NEB: variants seen among roughly 807,000 people sequenced by gnomAD.
NEB encodes the protein nemaline myopathy type 2.
NEB carries 512 observed loss-of-function variants against 952.2 expected under a neutral mutation model. The ratio of observed to expected loss-of-function variants is 0.54; its 90% CI spans 0.50 to 0.58. The LOEUF (loss-of-function observed/expected upper bound fraction) is 0.58, where lower values mean the gene tolerates loss of function less well. Among genes scored for constraint, NEB ranks in the 20% least tolerant of loss-of-function variants. The pLI is 0.00. For missense variants in NEB, 8,428 were observed against 9,231.1 expected (o/e 0.91, Z 3.56); for synonymous variants, 2,900 against 3,149.8 (o/e 0.92, Z 2.66).
intron 107 of NEB, among the ~76,000 whole-genome samples, chr2:151,573,020 TGAAGA>T (rs2096699161): frequency 1.3e-5 from 2 of 152,220 alleles, no homozygotes; most frequent in African/African-American, 4.8e-5. Context: ...GTAGTGAGCA[TGAAGA>T]TTACATGAGT....
intron 20 of NEB, among the ~76,000 whole-genome samples, chr2:151,693,460 C>CA (rs2099573946): frequency 6.6e-6 from 1 of 151,712 alleles, no homozygotes; most frequent in South Asian, 2.1e-4. Flanking sequence ...TTGCACCCCC[C>CA]ATGTATCCAT....
intron 30 of NEB, among the ~76,000 whole-genome samples, chr2:151,680,235 G>A (rs1449305393): frequency 6.6e-6 from 1 of 152,164 alleles, no homozygotes; most frequent in Non-Finnish European, 1.5e-5. Flanking sequence ...ATTCAGTTTT[G>A]CAAAGATCCC....
intron 71 of NEB, among the ~76,000 whole-genome samples, chr2:151,623,636 C>G (rs892975771): frequency 6.6e-6 from 1 of 151,982 alleles, no homozygotes; most frequent in Non-Finnish European, 1.5e-5. Flanking sequence ...AGTTTATAGT[C>G]TTTTCAAGAT....
chr2:151,655,954 C>T lies in NEB; in HGVS notation c.6565G>A (p.Val2189Met), dbSNP rs1188389782. 1.8e-5 allele frequency: 29 copies of T among 1,613,662 alleles called. No individual in the cohort carries two copies. Among genetic ancestry groups the T allele is most frequent in the Non-Finnish European group, 2.5e-5 (29 of 1,179,788 alleles). ...TCAGTTGCTTTCTTGGCCTTCTCCA[C>T]TTCCAGAGAACCTGCTGGACTCCAG... is the stretch of plus-strand genomic sequence containing the variant. ...LGWSPAGSLE[V>M]EKAKKATEYA... The change falls in exon 50 of 182, where the codon GTG becomes ATG. Residue 2189 changes from valine to methionine, a missense_variant. Physicochemically the swap from Val to Met is conservative, Grantham distance 21. Transcript: ENST00000397345.
chr2:151,486,039 G>A, intron 181 of NEB, 106 bp from the exon 182 acceptor site: 2 of 1,141,508 alleles, frequency 1.8e-6, no homozygotes, highest in Non-Finnish European at 2.5e-6. Flanking sequence ...AACTTAAGTT[G>A]AACAAAAGAG....
chr2:151,642,529 T>C, intron 60 of NEB, 45 bp downstream of exon 60: 2 of 1,505,890 alleles, frequency 1.3e-6, no homozygotes, highest in Non-Finnish European at 1.8e-6. Context: ...GAGAAATAAA[T>C]CTTTGAGCCA....
rs777800372 is a variant in NEB, at chr2:151,518,386, G to C, written c.22732C>G (p.His7578Asp). ...AGATTATCGGGTATGGTGTGGTAGT[G>C]GCCTTTACTCTTCTCATACTTCTTC... is the stretch of plus-strand genomic sequence containing the variant. ...YKKKYEKSKG[H>D]YHTIPDNLEQ... is the part of the protein sequence containing the mutation. The change falls in exon 156 of 182, where the codon CAC (histidine) becomes GAC (aspartate). Residue 7578 changes from histidine (H) to aspartate (D), a missense_variant. Coordinates refer to ENST00000397345, the MANE Select transcript of NEB (RefSeq NM_001164508.2). 3.7e-6 allele frequency: 6 copies of C among 1,611,906 alleles called. No homozygotes were observed. In the Admixed American group the frequency reaches 1.0e-4, roughly 27 times the overall value.
chr2:151,503,578 A>G (rs953925322), intron 165 of NEB, 137 bp from the exon 166 acceptor site: 28 of 564,688 alleles, frequency 5.0e-5, no homozygotes, highest in Non-Finnish European at 6.2e-5. Flanking sequence ...AACAGGGGGG[A>G]AAATTCCATG....
chr2:151,546,329 G>A lies in NEB; in HGVS notation c.20466+16C>T, dbSNP rs766831191. ...TGTGCGGGGGGTAATTATGCATTGT[G>A]ATGATGTGCACTCACCCAGAGCTTC... On this transcript the variant is annotated intron_variant, in intron 134 of 181. Transcript: ENST00000397345. 1.9e-6 allele frequency: 3 copies of A among 1,597,704 alleles called. No homozygotes were observed. The highest frequency in any genetic ancestry group is 2.2e-5 in the East Asian group (1 of 44,730).
At chr2:151,661,996 C>A (rs80168331) in intron 46 of NEB, 139 bp downstream of exon 46, 4 of 629,428 alleles carry the variant, frequency 6.4e-6, no homozygotes, top group African/African-American at 1.9e-5. Context: ...TTTTTTTTAA[C>A]GACAAGACTC....
At chr2:151,576,513 T>TA (rs2096858263) in intron 105 of NEB, among the ~76,000 whole-genome samples, 159 bp from the exon 106 acceptor site, 2 of 32,086 alleles carry the variant, frequency 6.2e-5, no homozygotes, top group South Asian at 1.1e-3. Flanking sequence ...TATATATATA[T>TA]ATATTTTTTT....
intron 10 of NEB, among the ~76,000 whole-genome samples, chr2:151,714,810 T>G (rs150718757): frequency 6.6e-6 from 1 of 152,156 alleles, no homozygotes; most frequent in African/African-American, 2.4e-5. Flanking sequence ...GAAGATATGA[T>G]CCTGCTGCAA....
At chr2:151,557,915 C>T (rs1281720714) in intron 124 of NEB, among the ~76,000 whole-genome samples, 1 of 152,172 alleles carries the variant, frequency 6.6e-6, no homozygotes, top group Non-Finnish European at 1.5e-5. Context: ...CAATATCATA[C>T]TGAATGGGCA....
At chr2:151,728,740 A>T (rs2099797899) in intron 4 of NEB, among the ~76,000 whole-genome samples, 1 of 152,202 alleles carries the variant, frequency 6.6e-6, no homozygotes. Context: ...ATTTCACAGT[A>T]TCCTTCCCTT....
chr2:151,723,467 C>A lies in NEB; in HGVS notation c.632G>T (p.Trp211Leu). The stretch of plus-strand genomic sequence containing the variant: ...GTAAAACAAACTTTTGTCTGCTTCC[C>A]AGTCTTCAGTGTACAGTTTCTAAAT... ...MFSKKLYTED[W>L]EADKSLFYPY... is the part of the protein sequence containing the mutation. Residue 211 changes from tryptophan (W) to leucine (L), a missense_variant, in exon 9 of 182, where the codon TGG becomes TTG. Transcript: ENST00000397345. The A allele has an allele frequency of 6.2e-7, 1 of 1,607,060 alleles. No homozygotes were observed. The highest frequency in any genetic ancestry group is 8.5e-7 in the Non-Finnish European group (1 of 1,176,492).
rs2066234395 is a variant in NEB at position 151,503,363 on chromosome 2, C to G, written c.23821G>C (p.Glu7941Gln). The G allele has an allele frequency of 1.2e-6, 2 of 1,610,876 alleles. No individual in the cohort carries two copies. The highest frequency in any genetic ancestry group is 2.2e-5 in the East Asian group (1 of 44,828). The change falls in exon 166 of 182, where the codon GAG becomes CAG. Residue 7941 changes from glutamate (E) to glutamine (Q), a missense_variant. Transcript: ENST00000397345. ...TTTGTAAATACCGAGCTAAAGTTCTCTTGATTGCGTTTGACTCTCTCAATC... is the reference window on the plus strand; with the variant it reads ...TTTGTAAATACCGAGCTAAAGTTCTGTTGATTGCGTTTGACTCTCTCAATC... ...PEIERVKRNQ[E>Q]NFSSVLYKEN...
chr2:151,494,649 T>G (rs1384392831), intron 173 of NEB, among the ~76,000 whole-genome samples: 5 of 152,048 alleles, frequency 3.3e-5, no homozygotes, highest in African/African-American at 1.2e-4. Context: ...TTTTGTTTTG[T>G]TTTGTTTTGT....
rs1170927909 is a variant in NEB at position 151,646,237 on chromosome 2, A to T, written c.7432-3T>A. The T allele has an allele frequency of 4.5e-6, 7 of 1,564,414 alleles. No homozygotes were observed. In the African/African-American group the frequency reaches 6.8e-5, roughly 15 times the overall value. Reference sequence around the variant, plus strand: ...TCCCAAGCTTCTCTATAAAGTCTCTAAAATAAGAAATAATAATTTTTCAGT... The same window carrying T: ...TCCCAAGCTTCTCTATAAAGTCTCTTAAATAAGAAATAATAATTTTTCAGT... On this transcript the variant is annotated splice_region_variant and splice_polypyrimidine_tract_variant and intron_variant, in intron 54 of 181. Coordinates refer to ENST00000397345, the MANE Select transcript of NEB (RefSeq NM_001164508.2).
chr2:151,526,653 C>A (rs2086254237), intron 148 of NEB, among the ~76,000 whole-genome samples: 2 of 152,194 alleles, frequency 1.3e-5, no homozygotes, highest in African/African-American at 4.8e-5. Context: ...TCCAGCCAGG[C>A]CTTCAGGGTC....
Sources: gnomAD v4.1 joint callset for allele counts (sites outside exome capture counted in the v4.1 genomes callset) on GRCh38, gnomAD v4.1.1 for gene constraint, MANE v1.5 for transcripts, NCBI Gene and HGNC (gene_info 2026-07-23, HGNC 2026-07-21) for gene names.